DSCAML1: variants seen among roughly 807,000 people sequenced by gnomAD.
DSCAML1 encodes DS cell adhesion molecule like 1.
DSCAML1 carries 38 observed loss-of-function variants against 200.5 expected under a neutral mutation model. The observed-to-expected ratio is 0.19, with a 90% CI of 0.15 to 0.25. DSCAML1 has a LOEUF of 0.25. Ranked by LOEUF, DSCAML1 falls within the 10% of genes least tolerant of loss-of-function variation. The pLI, the probability that DSCAML1 is intolerant of heterozygous loss-of-function variation, is 1.00. For missense variants in DSCAML1, 2,223 were observed against 2,858.8 expected, an observed-to-expected ratio of 0.78 and a Z score of 5.07; for synonymous variants, 1,215 against 1,165.0, an observed-to-expected ratio of 1.04 and a Z score of -0.87.
chr11:117,525,099 G>T lies in DSCAML1; in HGVS notation c.659-16C>A, dbSNP rs749548129. On this transcript the variant is annotated splice_polypyrimidine_tract_variant and intron_variant, in intron 4 of 32. Coordinates refer to ENST00000651296, the MANE Select transcript of DSCAML1 (RefSeq NM_020693.4). Reference sequence around the variant, plus strand: ...TCAGCAGGGTCTGGAAGGCAGAGAGGGTCGGCAGCCCTGGCCAGCCCTGGG... The same window carrying T: ...TCAGCAGGGTCTGGAAGGCAGAGAGTGTCGGCAGCCCTGGCCAGCCCTGGG... 6 of 1,519,136 alleles carry T rather than the reference G, an allele frequency of 3.9e-6. No homozygotes were observed. In the African/African-American group the frequency reaches 7.0e-5, roughly 18 times the overall value. The allele number at this position is 1,519,136 out of a possible 1,614,324, so 94.1% of individuals were successfully genotyped here.
chr11:117,756,457 C>T (rs949979707), intron 3 of DSCAML1, among the ~76,000 whole-genome samples: 2 of 152,144 alleles, frequency 1.3e-5, no homozygotes, highest in African/African-American at 4.8e-5. Flanking sequence ...AGTTGGGAGC[C>T]AGAGCCAGCG....
At chr11:117,725,179 T>C (rs1169670362) in intron 3 of DSCAML1, among the ~76,000 whole-genome samples, 1 of 152,202 alleles carries the variant, frequency 6.6e-6, no homozygotes. Flanking sequence ...TCCCCAGGCA[T>C]AGCTGGGCCG....
chr11:117,797,001 C>T, intron 1 of DSCAML1, 33 bp downstream of exon 1: 1 of 1,377,330 alleles, frequency 7.3e-7, no homozygotes, highest in African/African-American at 1.5e-5. Context: ...GGCCCCGCCG[C>T]CTCCGCCGCC....
chr11:117,546,922 A>G (rs1206190719), intron 3 of DSCAML1, among the ~76,000 whole-genome samples: 1 of 152,074 alleles, frequency 6.6e-6, no homozygotes, highest in African/African-American at 2.4e-5. Context: ...CACACTGCAG[A>G]TTGGGCCCTC....
chr11:117,589,966 C>T (rs1265180468), intron 3 of DSCAML1, among the ~76,000 whole-genome samples: 2 of 152,252 alleles, frequency 1.3e-5, no homozygotes, highest in South Asian at 2.1e-4. Context: ...ATCTTCTATT[C>T]CCTCTATCAC....
At chr11:117,459,033 G>A (rs943100878) in intron 18 of DSCAML1, 124 bp from the exon 19 acceptor site, 21 of 1,253,490 alleles carry the variant, frequency 1.7e-5, no homozygotes, top group African/African-American at 3.0e-5. Flanking sequence ...CCATGGTGGC[G>A]AGGACTAGAG....
At chr11:117,728,350 C>T (rs1325523232) in intron 3 of DSCAML1, among the ~76,000 whole-genome samples, 1 of 152,156 alleles carries the variant, frequency 6.6e-6, no homozygotes, top group Non-Finnish European at 1.5e-5. Flanking sequence ...AGAGTGGATA[C>T]ATCCTCCCTA....
At chr11:117,599,264 C>A (rs571408777) in intron 3 of DSCAML1, among the ~76,000 whole-genome samples, 1 of 152,306 alleles carries the variant, frequency 6.6e-6, no homozygotes, top group African/African-American at 2.4e-5. Context: ...CTTCACTAGC[C>A]AGCCCTCTCA....
chr11:117,660,519 T>G (rs996056550), intron 3 of DSCAML1, among the ~76,000 whole-genome samples: 1 of 152,104 alleles, frequency 6.6e-6, no homozygotes, highest in Non-Finnish European at 1.5e-5. Flanking sequence ...AGTCTTCGTG[T>G]AGATCTCATC....
chr11:117,736,576 C>A (rs574647901), intron 3 of DSCAML1, among the ~76,000 whole-genome samples: 56 of 152,268 alleles, frequency 3.7e-4, no homozygotes, highest in African/African-American at 1.2e-3. Context: ...CATGGGGGTA[C>A]AATTTGGGTG....
intron 3 of DSCAML1, among the ~76,000 whole-genome samples, chr11:117,584,508 G>A (rs1591293562): frequency 6.6e-6 from 1 of 152,292 alleles, no homozygotes; most frequent in Admixed American, 6.5e-5. Context: ...AAGGATGTCT[G>A]GCATCAACAC....
At chr11:117,459,350 G>A (rs1295710987) in intron 18 of DSCAML1, among the ~76,000 whole-genome samples, 2 of 152,248 alleles carry the variant, frequency 1.3e-5, no homozygotes, top group African/African-American at 4.8e-5. Flanking sequence ...AGCCCGCCTT[G>A]GGCCGCCAGA....
At chr11:117,620,699 G>A (rs1403069358) in intron 3 of DSCAML1, among the ~76,000 whole-genome samples, 1 of 152,192 alleles carries the variant, frequency 6.6e-6, no homozygotes, top group Non-Finnish European at 1.5e-5. Context: ...TCCCCATGGG[G>A]GCAAGTGGAG....
intron 21 of DSCAML1, among the ~76,000 whole-genome samples, chr11:117,441,379 A>G (rs568780234): frequency 6.6e-6 from 1 of 152,356 alleles, no homozygotes; most frequent in South Asian, 2.1e-4. Flanking sequence ...TCTGAGAGTC[A>G]GCAGGCATGA....
At chr11:117,466,661 A>G (rs2048586489) in intron 16 of DSCAML1, among the ~76,000 whole-genome samples, 1 of 152,170 alleles carries the variant, frequency 6.6e-6, no homozygotes, top group Non-Finnish European at 1.5e-5. Context: ...AGATCGACAG[A>G]GTGAGACTCT....
At chr11:117,536,527 G>A (rs1161900540) in intron 3 of DSCAML1, among the ~76,000 whole-genome samples, 3 of 152,246 alleles carry the variant, frequency 2.0e-5, no homozygotes, top group Non-Finnish European at 4.4e-5. Context: ...GTTGGGGGAG[G>A]TGGGACATTT....
chr11:117,792,814 T>C (rs1037750259), intron 1 of DSCAML1, among the ~76,000 whole-genome samples: 1 of 152,130 alleles, frequency 6.6e-6, no homozygotes, highest in Non-Finnish European at 1.5e-5. Flanking sequence ...GCAACCCACA[T>C]CCCAAGTTTG....
intron 3 of DSCAML1, among the ~76,000 whole-genome samples, chr11:117,699,470 C>T (rs879766308): frequency 6.6e-6 from 1 of 152,202 alleles, no homozygotes; most frequent in African/African-American, 2.4e-5. Flanking sequence ...CGGCAAAGTC[C>T]GAAGGGAGGT....
chr11:117,643,746 C>A (rs2052460994), intron 3 of DSCAML1, among the ~76,000 whole-genome samples: 1 of 152,166 alleles, frequency 6.6e-6, no homozygotes, highest in Non-Finnish European at 1.5e-5. Flanking sequence ...CAGGCACCAT[C>A]CCTCTCGCCA....
Sources: allele counts gnomAD v4.1 joint callset (sites outside exome capture counted in the v4.1 genomes callset), GRCh38; gene constraint gnomAD v4.1.1; transcripts MANE v1.5; gene names NCBI Gene and HGNC (gene_info 2026-07-23, HGNC 2026-07-21).